Variants in NIPA1 observed in about 807,000 individuals in gnomAD.
NIPA1 encodes NIPA magnesium transporter 1, also known as magnesium transporter NIPA1.
A neutral mutation model predicts 23.9 loss-of-function variants in NIPA1; 13 were observed. The ratio of observed to expected loss-of-function variants is 0.54; its 90% CI spans 0.35 to 0.87. NIPA1 has a LOEUF of 0.87. NIPA1 is among the 40% of genes least tolerant of loss of function. NIPA1 has a pLI of 0.01. For missense variants in NIPA1, 362 were observed against 429.7 expected (o/e 0.84, Z 1.39); for synonymous variants, 234 against 202.9 (o/e 1.15, Z -1.30).
chr15:22,793,565 C>T lies in NIPA1; in HGVS notation c.178+6731C>T, dbSNP rs537543988. ...AAGGGATCCTCCTGCCTCAGCCTCC[C>T]GAGTAGCTGGGACTACAGGTGTCCG... On this transcript the variant is annotated intron_variant, in intron 1 of 4. Transcript: ENST00000337435. 7.2e-5 allele frequency among the ~76,000 whole-genome samples: 11 copies of T among 151,844 alleles called. No individual in the cohort carries two copies. The East Asian group carries it at 9.8e-4, about 14-fold the overall frequency.
At chr15:22,801,895 AAATAG>A (rs1895090450) in intron 1 of NIPA1, among the ~76,000 whole-genome samples, 1 of 152,136 alleles carries the variant, frequency 6.6e-6, no homozygotes, top group Non-Finnish European at 1.5e-5. Flanking sequence ...TGGAATAAAG[AAATAG>A]AATAGAGATA....
At chr15:22,817,792 G>A (rs944209978) in intron 3 of NIPA1, among the ~76,000 whole-genome samples, 1 of 142,894 alleles carries the variant, frequency 7.0e-6, no homozygotes, top group Non-Finnish European at 1.5e-5. Flanking sequence ...GTGACAGAGC[G>A]AGACTGTGTC....
chr15:22,806,210 A>C (rs887016625), intron 1 of NIPA1, among the ~76,000 whole-genome samples: 1 of 152,204 alleles, frequency 6.6e-6, no homozygotes, highest in African/African-American at 2.4e-5. Flanking sequence ...GGCGTGAGCC[A>C]CCGCGCCCGG....
intron 3 of NIPA1, among the ~76,000 whole-genome samples, chr15:22,816,059 T>C (rs1249517168): frequency 6.6e-6 from 1 of 151,998 alleles, no homozygotes; most frequent in African/African-American, 2.4e-5. Context: ...TTTCACCTCA[T>C]CTATTCATCA....
intron 1 of NIPA1, among the ~76,000 whole-genome samples, chr15:22,795,486 G>A (rs1376031041): frequency 1.3e-5 from 2 of 152,144 alleles, no homozygotes; most frequent in African/African-American, 4.8e-5. Context: ...GGGGTAGCTG[G>A]ACAGCTGAGG....
chr15:22,809,037 G>C (rs1335785339), intron 1 of NIPA1, among the ~76,000 whole-genome samples: 3 of 152,074 alleles, frequency 2.0e-5, no homozygotes, highest in African/African-American at 7.2e-5. Context: ...CAGGCTAGCA[G>C]GCTATGTGTC....
rs910482038 is a variant in NIPA1, at chr15:22,829,081, T to A, written c.*4842T>A. On this transcript the variant is annotated 3_prime_UTR_variant, in exon 5 of 5. Coordinates refer to ENST00000337435, the MANE Select transcript of NIPA1 (RefSeq NM_144599.5). ...TCCATGAAGCTTTAGTTTTCCTTTT[T>A]TTGTTTTAAAAGAAAGGGTTTTATA... 1 of 152,230 alleles carries A rather than the reference T, an allele frequency of 6.6e-6. No individual in the cohort carries two copies. The highest frequency in any genetic ancestry group is 1.5e-5 in the Non-Finnish European group (1 of 68,038). 9.4% of individuals were successfully genotyped at this position (152,230 alleles called of 1,614,324 possible). A position where few individuals can be genotyped will look rare whatever the true frequency, so the allele number is the denominator to read the frequency against.
At chr15:22,819,889 C>G (rs1895502097) in intron 3 of NIPA1, among the ~76,000 whole-genome samples, 1 of 152,136 alleles carries the variant, frequency 6.6e-6, no homozygotes. Context: ...AGTGGTTATA[C>G]ATGGAATTGG....
At chr15:22,818,341 C>T (rs1431394467) in intron 3 of NIPA1, among the ~76,000 whole-genome samples, 1 of 151,998 alleles carries the variant, frequency 6.6e-6, no homozygotes, top group African/African-American at 2.4e-5. Flanking sequence ...GAGGCTGAGG[C>T]AGGAGAATTG....
intron 1 of NIPA1, among the ~76,000 whole-genome samples, chr15:22,806,085 A>G (rs928246769): frequency 3.1e-4 from 47 of 151,970 alleles, no homozygotes; most frequent in African/African-American, 1.0e-3. Context: ...CACCACGCCC[A>G]GCTAATTTTT....
chr15:22,796,462 CT>C (rs967441197), intron 1 of NIPA1, among the ~76,000 whole-genome samples: 1 of 150,652 alleles, frequency 6.6e-6, no homozygotes, highest in South Asian at 2.1e-4. Flanking sequence ...ATTTTCAGTT[CT>C]TTTTTTTTCT....
chr15:22,790,812 C>T (rs1389899869), intron 1 of NIPA1, among the ~76,000 whole-genome samples: 1 of 152,008 alleles, frequency 6.6e-6, no homozygotes, highest in Non-Finnish European at 1.5e-5. Flanking sequence ...ACATCTGTTG[C>T]AAGCAGCAGA....
In NIPA1 at chr15:22,826,977, ATCAT is replaced by A. The variant is rs1895665092; in HGVS notation, c.*2744_*2747del. ...ATTTATTTTAAAAAATTATGTTTTC[ATCAT>A]TCATTTGAAAATGAAAAAGCCCCAA... On this transcript the variant is annotated 3_prime_UTR_variant, in exon 5 of 5. Transcript: ENST00000337435. The A allele has an allele frequency of 6.6e-6, 1 of 152,180 alleles. No homozygotes were observed. The highest frequency in any genetic ancestry group is 2.4e-5 in the African/African-American group (1 of 41,440). 9.4% of individuals were successfully genotyped at this position (152,180 alleles called of 1,614,324 possible). A position where few individuals can be genotyped will look rare whatever the true frequency, so the allele number is the denominator to read the frequency against.
intron 3 of NIPA1, 109 bp downstream of exon 3, chr15:22,812,362 G>C (rs1895335092): frequency 2.5e-6 from 2 of 812,270 alleles, no homozygotes; most frequent in Admixed American, 4.1e-5. Flanking sequence ...ATAGAAGATA[G>C]ATCTTCAGGC....
chr15:22,805,039 A>C (rs1895177264), intron 1 of NIPA1, among the ~76,000 whole-genome samples: 1 of 151,912 alleles, frequency 6.6e-6, no homozygotes, highest in Non-Finnish European at 1.5e-5. Context: ...ATAGGATTTC[A>C]CTGTGTTAGC....
intron 1 of NIPA1, among the ~76,000 whole-genome samples, chr15:22,799,781 CAA>C (rs746610642): frequency 5.8e-5 from 6 of 104,122 alleles, no homozygotes; most frequent in Non-Finnish European, 6.1e-5. Context: ...GACTCTGTCT[CAA>C]AAAAAAAAAA....
rs935885030 is a variant in NIPA1, at chr15:22,792,401, C to G, written c.178+5567C>G. The stretch of plus-strand genomic sequence containing the variant: ...TGAGACGGAGTCTCGCTCTGTTGCC[C>G]AGGCTGGAGTGCAGTGGCATGATCT... On this transcript the variant is annotated intron_variant, in intron 1 of 4. Coordinates refer to ENST00000337435, the MANE Select transcript of NIPA1 (RefSeq NM_144599.5). 1.1e-4 allele frequency among the ~76,000 whole-genome samples: 17 copies of G among 152,138 alleles called. No homozygotes were observed. The East Asian group carries it at 3.3e-3, about 30-fold the overall frequency.
chr15:22,802,952 T>G (rs1170601134), intron 1 of NIPA1, among the ~76,000 whole-genome samples: 1 of 149,198 alleles, frequency 6.7e-6, no homozygotes, highest in African/African-American at 2.4e-5. Context: ...GTTGATGAAC[T>G]TTTTTTTTTT....
At chr15:22,791,265 G>T (rs1034127926) in intron 1 of NIPA1, among the ~76,000 whole-genome samples, 21 of 151,964 alleles carry the variant, frequency 1.4e-4, no homozygotes, top group Admixed American at 6.6e-5. Context: ...AGTTTCCAAT[G>T]TCTGTTATTC....
Sources: allele counts gnomAD v4.1 joint callset (sites outside exome capture counted in the v4.1 genomes callset), GRCh38; gene constraint gnomAD v4.1.1; transcripts MANE v1.5; gene names NCBI Gene and HGNC (gene_info 2026-07-23, HGNC 2026-07-21).